SFMBT2: variants seen among roughly 807,000 people sequenced by gnomAD.
SFMBT2 encodes Scm like with four mbt domains 2, also known as scm-like with four MBT domains protein 2.
SFMBT2 carries 38 observed loss-of-function variants against 110.1 expected under a neutral mutation model. The observed-to-expected ratio is 0.35, with a 90% CI of 0.27 to 0.45. The LOEUF is 0.45. SFMBT2 is among the 20% of genes least tolerant of loss of function. SFMBT2 has a pLI of 1.00. For synonymous variants in SFMBT2, 425 were observed against 425.4 expected (o/e 1.00, Z 0.01); for missense variants, 1,011 against 1,094.9 (o/e 0.92, Z 1.08).
chr10:7,200,489 C>A lies in SFMBT2; in HGVS notation c.1488-5G>T. 1 of 1,594,588 alleles carries A rather than the reference C, an allele frequency of 6.3e-7. No individual in the cohort carries two copies. The highest frequency in any genetic ancestry group is 8.5e-7 in the Non-Finnish European group (1 of 1,170,374). On this transcript the variant is annotated splice_region_variant and splice_polypyrimidine_tract_variant and intron_variant, in intron 13 of 20. Transcript: ENST00000397167. ...ACAGGCACTGTGGGCGGCAATCTGT[C>A]AACAGAGAAAATAAAACTATCAGGG... is the stretch of plus-strand genomic sequence containing the variant.
chr10:7,320,880 A>G (rs1282107085), intron 4 of SFMBT2, among the ~76,000 whole-genome samples: 1 of 152,172 alleles, frequency 6.6e-6, no homozygotes, highest in Non-Finnish European at 1.5e-5. Context: ...CTCCCATCCA[A>G]GCGCATAAGG....
chr10:7,258,929 C>T (rs953744608), intron 7 of SFMBT2, among the ~76,000 whole-genome samples: 1 of 152,222 alleles, frequency 6.6e-6, no homozygotes, highest in Non-Finnish European at 1.5e-5. Context: ...ATAAGCATTT[C>T]TATTTTTTAC....
In SFMBT2 at chr10:7,367,254, A is replaced by G. The variant is rs1178653548; in HGVS notation, c.436+395T>C. On this transcript the variant is annotated intron_variant, in intron 4 of 20. Transcript: ENST00000397167. The surrounding 1 kb of genome is among the most constrained non-coding windows in gnomAD (Gnocchi z 6.2). ...CAGAAGAAAAGCAACATGGCCAATC[A>G]CCAAACACAAGACCTCAACTCCTGA... Among the ~76,000 whole-genome samples, 3 of 151,228 alleles carry G rather than the reference A, an allele frequency of 2.0e-5. No homozygotes were observed. The highest frequency in any genetic ancestry group is 7.3e-5 in the African/African-American group (3 of 40,936).
intron 6 of SFMBT2, among the ~76,000 whole-genome samples, chr10:7,281,067 C>A (rs528140446): frequency 1.3e-5 from 2 of 152,204 alleles, no homozygotes; most frequent in Non-Finnish European, 2.9e-5. Context: ...ATAGTGAGAT[C>A]CCATCTCTAC....
At chr10:7,322,009 A>G (rs1158225162) in intron 4 of SFMBT2, among the ~76,000 whole-genome samples, 1 of 152,252 alleles carries the variant, frequency 6.6e-6, no homozygotes, top group Non-Finnish European at 1.5e-5. Flanking sequence ...AAATAGGACC[A>G]GCACTTCCCA....
intron 6 of SFMBT2, among the ~76,000 whole-genome samples, chr10:7,283,205 T>C (rs1841996935): frequency 6.6e-6 from 1 of 152,224 alleles, no homozygotes; most frequent in African/African-American, 2.4e-5. Context: ...AGAATGGTTA[T>C]TTTGTAAATA....
chr10:7,312,980 C>A (rs1009665068), intron 4 of SFMBT2, among the ~76,000 whole-genome samples: 1 of 152,094 alleles, frequency 6.6e-6, no homozygotes, highest in Non-Finnish European at 1.5e-5. Flanking sequence ...GTGCTCCATC[C>A]ACCTCGGGAG....
chr10:7,195,804 C>G (rs943783068), intron 15 of SFMBT2, among the ~76,000 whole-genome samples: 1 of 152,184 alleles, frequency 6.6e-6, no homozygotes, highest in Non-Finnish European at 1.5e-5. Context: ...CCTGGGACCA[C>G]GTGGCTACCT....
At chr10:7,198,142 A>G in intron 14 of SFMBT2, 1 of 985,286 alleles carries the variant, frequency 1.0e-6, no homozygotes, top group Non-Finnish European at 1.2e-6. Flanking sequence ...GATATATTAA[A>G]CATATTCCAT....
intron 10 of SFMBT2, among the ~76,000 whole-genome samples, chr10:7,223,043 G>A (rs1564392211): frequency 1.3e-5 from 2 of 152,078 alleles, no homozygotes; most frequent in Non-Finnish European, 2.9e-5. Context: ...TTTAAAGACC[G>A]TATCTCCAAA....
At chr10:7,321,105 AGAG>A (rs1385912868) in intron 4 of SFMBT2, among the ~76,000 whole-genome samples, 2 of 152,334 alleles carry the variant, frequency 1.3e-5, no homozygotes, top group East Asian at 1.9e-4. Flanking sequence ...CTGCAAGGGA[AGAG>A]GAGGAAGGCT....
At chr10:7,262,724 T>G (rs1316050976) in intron 7 of SFMBT2, among the ~76,000 whole-genome samples, 4 of 152,220 alleles carry the variant, frequency 2.6e-5, no homozygotes, top group Non-Finnish European at 5.9e-5. Context: ...GAACTCTGTA[T>G]AGATCTGGAT....
intron 4 of SFMBT2, among the ~76,000 whole-genome samples, chr10:7,366,945 G>C (rs936406490): frequency 2.0e-5 from 3 of 152,108 alleles, no homozygotes; most frequent in Non-Finnish European, 4.4e-5. Context: ...TCCCCTGGGG[G>C]GTAAAACTGC....
chr10:7,207,623 A>G (rs12773261), intron 11 of SFMBT2: 834,876 of 982,566 alleles, frequency 0.85, 356,309 homozygotes, highest in East Asian at 1. Context: ...ACATCTGAAG[A>G]ATTCTGAATC....
intron 4 of SFMBT2, among the ~76,000 whole-genome samples, chr10:7,342,600 A>G (rs145633751): frequency 0.036 from 5,391 of 151,638 alleles, 241 homozygotes; most frequent in African/African-American, 0.11. Context: ...TAATAGAGAC[A>G]GGGTTTCACC....
chr10:7,284,797 C>T, intron 5 of SFMBT2: 1 of 167,020 alleles, frequency 6.0e-6, no homozygotes, highest in Non-Finnish European at 1.2e-5. Flanking sequence ...TCTAAGAAAC[C>T]TTCTTAGCCT....
At chr10:7,259,595 G>A (rs1841133443) in intron 7 of SFMBT2, among the ~76,000 whole-genome samples, 1 of 152,230 alleles carries the variant, frequency 6.6e-6, no homozygotes, top group Non-Finnish European at 1.5e-5. Flanking sequence ...GTCCACTGAA[G>A]GGCACATGCC....
At chr10:7,404,742 C>A (rs1346608521) in intron 1 of SFMBT2, among the ~76,000 whole-genome samples, 2 of 152,136 alleles carry the variant, frequency 1.3e-5, no homozygotes, top group Non-Finnish European at 2.9e-5. Context: ...ACCTGAGAGA[C>A]CCTAACCATC....
chr10:7,297,828 T>C (rs928861941), intron 4 of SFMBT2, among the ~76,000 whole-genome samples: 3 of 152,234 alleles, frequency 2.0e-5, no homozygotes, highest in African/African-American at 7.2e-5. Flanking sequence ...CGCAAGAGTG[T>C]GACCTGGGTG....
Sources: gnomAD v4.1 joint callset for allele counts (sites outside exome capture counted in the v4.1 genomes callset) on GRCh38, gnomAD v4.1.1 for gene constraint, Gnocchi (gnomAD v3.1) non-coding constraint, MANE v1.5 for transcripts, NCBI Gene and HGNC (gene_info 2026-07-23, HGNC 2026-07-21) for gene names.